DUSP16: variants seen among roughly 807,000 people sequenced by gnomAD.
DUSP16 encodes the protein dual specificity phosphatase 16, also known as dual specificity protein phosphatase 16.
A neutral mutation model predicts 58.3 loss-of-function variants in DUSP16; 21 were observed. The ratio of observed to expected loss-of-function variants is 0.36; its 90% CI spans 0.26 to 0.52. The LOEUF (loss-of-function observed/expected upper bound fraction) is 0.52, where lower values mean the gene tolerates loss of function less well. DUSP16 is among the 20% of genes least tolerant of loss of function. The pLI is 0.94. For synonymous variants in DUSP16, 320 were observed against 323.8 expected (o/e 0.99, Z 0.12); for missense variants, 726 against 819.0 (o/e 0.89, Z 1.39).
At chr12:12,556,549 T>C (rs1944808937) in intron 1 of DUSP16, among the ~76,000 whole-genome samples, 1 of 151,978 alleles carries the variant, frequency 6.6e-6, no homozygotes. Context: ...CACTTCAGCC[T>C]GTGTGACAGA....
intron 6 of DUSP16, among the ~76,000 whole-genome samples, chr12:12,479,285 A>AAC (rs141571954): frequency 3.9e-5 from 6 of 152,002 alleles, no homozygotes; most frequent in Non-Finnish European, 8.8e-5. Flanking sequence ...AAGGAAAAAA[A>AAC]AAACTTGGAA....
At chr12:12,486,743 C>T (rs535370132) in intron 5 of DUSP16, among the ~76,000 whole-genome samples, 1 of 152,184 alleles carries the variant, frequency 6.6e-6, no homozygotes, top group East Asian at 1.9e-4. Context: ...AAAAGCTTAA[C>T]TGATTTTCAA....
rs1341735075 is a variant in DUSP16, at chr12:12,554,481, T to TA, written c.-366+7635dup. 6 of 152,300 alleles carry TA rather than the reference T, an allele frequency of 3.9e-5. No individual in the cohort carries two copies. The East Asian group carries it at 1.2e-3, about 29-fold the overall frequency. The allele number at this position is 152,300 out of a possible 1,614,324, so 9.4% of individuals were successfully genotyped here. ...TTGGTTATATATTTTAAATCATTAT[T>TA]AGGGACATTTCCAAATATACACAAA... On this transcript the variant is annotated intron_variant, in intron 1 of 6. Coordinates refer to ENST00000298573, the MANE Select transcript of DUSP16 (RefSeq NM_030640.3).
chr12:12,519,834 G>A (rs752254042), intron 3 of DUSP16, 28 bp downstream of exon 3: 1 of 1,613,060 alleles, frequency 6.2e-7, no homozygotes, highest in South Asian at 1.1e-5. Flanking sequence ...AAGATTCTGA[G>A]TCCTTTTAAT....
Position 12,523,593 on chromosome 12 carries a change from A to G in DUSP16, c.-365-2130T>C, listed in dbSNP as rs77879887. ...CAACTTTCATTAATGTATTATTTTT[A>G]GCATAGCTTTATGGTAATGAAGTAC... On this transcript the variant is annotated intron_variant, in intron 1 of 6. Coordinates refer to ENST00000298573, the MANE Select transcript of DUSP16 (RefSeq NM_030640.3). Among the ~76,000 whole-genome samples the G allele has an allele frequency of 6.3e-3, 953 of 152,308 alleles. 12 individuals carry two copies. Among genetic ancestry groups the G allele is most frequent in the African/African-American group, 0.021 (880 of 41,572 alleles).
intron 1 of DUSP16, among the ~76,000 whole-genome samples, chr12:12,559,648 G>T (rs188720581): frequency 1.3e-5 from 2 of 152,062 alleles, no homozygotes; most frequent in African/African-American, 4.8e-5. Context: ...AGGATTTTTA[G>T]GATTAGCTGA....
At chr12:12,530,770 C>T (rs1944371330) in intron 1 of DUSP16, among the ~76,000 whole-genome samples, 1 of 151,994 alleles carries the variant, frequency 6.6e-6, no homozygotes, top group African/African-American at 2.4e-5. Flanking sequence ...GTTGTATCTA[C>T]TAAGAGAATC....
At chr12:12,557,434 C>A (rs553355743) in intron 1 of DUSP16, among the ~76,000 whole-genome samples, 1 of 143,892 alleles carries the variant, frequency 6.9e-6, no homozygotes, top group East Asian at 2.0e-4. Context: ...TCCAGCCTGG[C>A]GACAGAGCAA....
chr12:12,559,795 A>G (rs1944867800), intron 1 of DUSP16, among the ~76,000 whole-genome samples: 1 of 152,208 alleles, frequency 6.6e-6, no homozygotes. Flanking sequence ...ACACTAACAC[A>G]TAAATCCTGC....
intron 1 of DUSP16, among the ~76,000 whole-genome samples, chr12:12,526,652 T>G (rs943503151): frequency 7.9e-5 from 12 of 152,298 alleles, no homozygotes; most frequent in Admixed American, 4.6e-4. Flanking sequence ...GAATCCTTTT[T>G]TTAAGATTAT....
At chr12:12,495,047 G>C (rs536619786) in intron 4 of DUSP16, among the ~76,000 whole-genome samples, 151 of 152,060 alleles carry the variant, frequency 9.9e-4, no homozygotes, top group African/African-American at 3.5e-3. Flanking sequence ...CCTAACCTCC[G>C]GTAGCTTTAA....
chr12:12,501,424 G>GATAAATTTTCAGATATACGC (rs1943908553), intron 3 of DUSP16, among the ~76,000 whole-genome samples: 1 of 152,172 alleles, frequency 6.6e-6, no homozygotes, highest in Admixed American at 6.5e-5. Flanking sequence ...ACAATGATCT[G>GATAAATTTTCAGATATACGC]CTCTATGACC....
At chr12:12,551,505 T>C (rs970802903) in intron 1 of DUSP16, among the ~76,000 whole-genome samples, 5 of 149,988 alleles carry the variant, frequency 3.3e-5, no homozygotes, top group Admixed American at 1.3e-4. Flanking sequence ...GCCAATGATA[T>C]AAATTAAGCT....
chr12:12,521,400 A>G lies in DUSP16; in HGVS notation c.-302T>C. On this transcript the variant is annotated 5_prime_UTR_variant, in exon 2 of 7. Transcript: ENST00000298573. ...CAACAAAAGATGCTTTGGAGCAGCC[A>G]GCGCATTACATCATTCTTTACCTTT... 7.9e-7 allele frequency: 1 copy of G among 1,263,872 alleles called. No individual in the cohort carries two copies. The highest frequency in any genetic ancestry group is 1.0e-6 in the Non-Finnish European group (1 of 995,724). 78.3% of individuals were successfully genotyped at this position (1,263,872 alleles called of 1,614,324 possible).
chr12:12,486,499 TG>T (rs1943686553), intron 5 of DUSP16, among the ~76,000 whole-genome samples: 1 of 138,092 alleles, frequency 7.2e-6, no homozygotes, highest in East Asian at 1.9e-4. Context: ...TGTGTGTGTG[TG>T]TGTGTGTGTG....
intron 4 of DUSP16, among the ~76,000 whole-genome samples, chr12:12,489,034 C>G (rs752643315): frequency 6.6e-6 from 1 of 152,120 alleles, no homozygotes; most frequent in East Asian, 1.9e-4. Flanking sequence ...GAGCTGAGAT[C>G]GCGCCATTGC....
intron 4 of DUSP16, among the ~76,000 whole-genome samples, chr12:12,487,991 A>G (rs1428393988): frequency 6.6e-6 from 1 of 152,146 alleles, no homozygotes; most frequent in Non-Finnish European, 1.5e-5. Flanking sequence ...TCAGTAGCCA[A>G]GATAACCAAA....
At chr12:12,519,560 G>T (rs994130140) in intron 3 of DUSP16, among the ~76,000 whole-genome samples, 1 of 151,706 alleles carries the variant, frequency 6.6e-6, no homozygotes, top group Admixed American at 6.6e-5. Context: ...CAGGTGAATG[G>T]AAAAAGGCAG....
intron 6 of DUSP16, among the ~76,000 whole-genome samples, chr12:12,478,347 T>G (rs1244922983): frequency 6.6e-6 from 1 of 151,830 alleles, no homozygotes; most frequent in Non-Finnish European, 1.5e-5. Flanking sequence ...TTTTTTTTTT[T>G]TAAGAGACAG....
Sources: allele counts gnomAD v4.1 joint callset (sites outside exome capture counted in the v4.1 genomes callset), GRCh38; gene constraint gnomAD v4.1.1; transcripts MANE v1.5; gene names NCBI Gene and HGNC (gene_info 2026-07-23, HGNC 2026-07-21).